PDE10A: variants seen among roughly 807,000 people sequenced by gnomAD.
PDE10A encodes phosphodiesterase 10A.
A neutral mutation model predicts 97.7 loss-of-function variants in PDE10A; 39 were observed. That is an observed-to-expected ratio of 0.40 (90% CI 0.31 to 0.52). The LOEUF (loss-of-function observed/expected upper bound fraction) is 0.52. Among genes scored for constraint, PDE10A ranks in the 20% least tolerant of loss-of-function variants. The pLI is 0.56. For missense variants in PDE10A, 731 were observed against 1,047.8 expected (o/e 0.70, Z 4.17); for synonymous variants, 371 against 376.8 (o/e 0.98, Z 0.18).
intron 2 of PDE10A, among the ~76,000 whole-genome samples, chr6:165,525,173 T>C (rs1234728923): frequency 1.3e-5 from 2 of 151,882 alleles, no homozygotes; most frequent in Admixed American, 6.6e-5. Context: ...CATGAGGAGG[T>C]GCACTACACT....
At chr6:165,393,328 T>C (rs933259960) in intron 15 of PDE10A, among the ~76,000 whole-genome samples, 1 of 151,924 alleles carries the variant, frequency 6.6e-6, no homozygotes, top group Non-Finnish European at 1.5e-5. Flanking sequence ...CAAATGAACA[T>C]ATCCAAATAC....
chr6:165,333,061 T>A lies in PDE10A; in HGVS notation c.3132A>T (p.Pro1044=). ...GEETATWISS[P]SVAQKAAASE... is the part of the protein sequence containing the mutation. ...ATGCAGCTGCCTTCTGAGCCACGGA[T>A]GGGGATGAAATCCAGGTTGCAGTCT... The change falls in exon 22 of 22, where the codon CCA becomes CCT. Residue 1044 remains proline, a synonymous_variant. Transcript: ENST00000539869. 6.2e-7 allele frequency: 1 copy of A among 1,612,956 alleles called. No homozygotes were observed. The highest frequency in any genetic ancestry group is 8.5e-7 in the Non-Finnish European group (1 of 1,179,196).
At chr6:165,699,795 C>T (rs9459483) in intron 1 of PDE10A, among the ~76,000 whole-genome samples, 17,305 of 152,106 alleles carry the variant, frequency 0.11, 1,339 homozygotes, top group Non-Finnish European at 0.17. Context: ...AAAATGAAGA[C>T]ATAGCATACC....
At chr6:165,922,640 A>G (rs1782788745) in intron 1 of PDE10A, among the ~76,000 whole-genome samples, 1 of 152,172 alleles carries the variant, frequency 6.6e-6, no homozygotes, top group South Asian at 2.1e-4. Context: ...TGGCATTCTG[A>G]GAAATCATGT....
intron 1 of PDE10A, among the ~76,000 whole-genome samples, chr6:165,830,648 C>T (rs1015998354): frequency 6.6e-6 from 1 of 152,140 alleles, no homozygotes; most frequent in African/African-American, 2.4e-5. Flanking sequence ...CCTCCAGGTC[C>T]TGTTTGTGTT....
At chr6:165,474,074 T>C (rs1779162108) in intron 3 of PDE10A, among the ~76,000 whole-genome samples, 1 of 152,228 alleles carries the variant, frequency 6.6e-6, no homozygotes, top group African/African-American at 2.4e-5. Flanking sequence ...AGTCACAGGA[T>C]ACAGTTGATT....
chr6:165,713,552 A>G (rs1441632101), intron 1 of PDE10A, among the ~76,000 whole-genome samples: 2 of 152,214 alleles, frequency 1.3e-5, no homozygotes, highest in Admixed American at 6.5e-5. Flanking sequence ...CGTGGCAGCA[A>G]GGGCTTGGGA....
At chr6:165,679,226 A>G (rs9348032) in intron 1 of PDE10A, among the ~76,000 whole-genome samples, 133,100 of 152,228 alleles carry the variant, frequency 0.87, 58,351 homozygotes, top group South Asian at 0.92. Context: ...TTAGAAAAGA[A>G]TGAGAAAATA....
chr6:165,644,690 G>T (rs1390594534), intron 1 of PDE10A, among the ~76,000 whole-genome samples: 1 of 152,178 alleles, frequency 6.6e-6, no homozygotes, highest in East Asian at 1.9e-4. Flanking sequence ...CCTAAACACA[G>T]CGTATTCTAT....
chr6:165,679,288 A>G (rs1790909617), intron 1 of PDE10A, among the ~76,000 whole-genome samples: 1 of 152,268 alleles, frequency 6.6e-6, no homozygotes, highest in Admixed American at 6.5e-5. Context: ...TTAAACCCAG[A>G]TAACCAGATC....
chr6:165,769,555 C>G (rs1777949654), intron 1 of PDE10A, among the ~76,000 whole-genome samples: 1 of 152,188 alleles, frequency 6.6e-6, no homozygotes, highest in Admixed American at 6.5e-5. Context: ...CTTCTGGCTG[C>G]ACACATCCTA....
rs545149187 is a variant in PDE10A, at chr6:165,542,612, C to CTTTTTT, written c.994+822_994+827dup. On this transcript the variant is annotated intron_variant, in intron 2 of 21. Transcript: ENST00000539869. ...TTTAGGTCAAAAAGATGTCCTTGTTCTTTTTTTTTTTTTTTTTTTTTTTTT... is the reference window on the plus strand; with the variant it reads ...TTTAGGTCAAAAAGATGTCCTTGTTCTTTTTTTTTTTTTTTTTTTTTTTTTTTTTTT... Among the ~76,000 whole-genome samples the CTTTTTT allele has an allele frequency of 3.3e-4, 25 of 76,456 alleles. No individual in the cohort carries two copies. In the South Asian group the frequency reaches 7.0e-3, roughly 21 times the overall value. 50.2% of individuals were successfully genotyped at this position (76,456 alleles called of 152,430 possible).
At chr6:165,929,176 C>T (rs934604310) in intron 1 of PDE10A, among the ~76,000 whole-genome samples, 5 of 152,102 alleles carry the variant, frequency 3.3e-5, no homozygotes, top group Non-Finnish European at 5.9e-5. Flanking sequence ...GGCGGGCATT[C>T]GGTAAACTGG....
intron 16 of PDE10A, among the ~76,000 whole-genome samples, chr6:165,391,377 A>G (rs1167254600): frequency 6.6e-6 from 1 of 152,208 alleles, no homozygotes; most frequent in Non-Finnish European, 1.5e-5. Context: ...CTTATTGTTA[A>G]ATTTTCAATT....
rs1482279264 is a variant in PDE10A, at chr6:165,396,303, A to G, written c.2219+14T>C. The stretch of plus-strand genomic sequence containing the variant: ...AAATGGTTCCTGAAGAAACTGACAG[A>G]GCAACATACTTACAATTCAATTTCT... On this transcript the variant is annotated intron_variant, in intron 14 of 21. Transcript: ENST00000539869. 1 of 1,608,090 alleles carries G rather than the reference A, an allele frequency of 6.2e-7. No homozygotes were observed.
intron 1 of PDE10A, among the ~76,000 whole-genome samples, chr6:165,918,766 G>C (rs1279051089): frequency 6.6e-6 from 1 of 151,898 alleles, no homozygotes; most frequent in East Asian, 1.9e-4. Flanking sequence ...TTCACCTCTG[G>C]AGCAGGAGTA....
rs192641291 is a variant in PDE10A at position 165,491,108 on chromosome 6, T to C, written c.995-8765A>G. Among the ~76,000 whole-genome samples the C allele has an allele frequency of 2.8e-3, 422 of 152,272 alleles. 1 individual carries two copies. The highest frequency in any genetic ancestry group is 5.2e-3 in the Non-Finnish European group (354 of 68,026). ...AAAGCAAGTGGCAGGAGTAGCTATT[T>C]TTACATCAGACAGGACAAACTTTAA... On this transcript the variant is annotated intron_variant, in intron 2 of 21. Coordinates refer to ENST00000539869, the MANE Select transcript of PDE10A (RefSeq NM_001385079.1).
At chr6:165,498,753 T>C (rs1051072025) in intron 2 of PDE10A, among the ~76,000 whole-genome samples, 2 of 152,214 alleles carry the variant, frequency 1.3e-5, no homozygotes. Flanking sequence ...ATCTGGGTCA[T>C]GTGCTGTAAA....
chr6:165,975,248 T>C (rs1410972321), intron 1 of PDE10A, among the ~76,000 whole-genome samples: 1 of 152,124 alleles, frequency 6.6e-6, no homozygotes. Flanking sequence ...CTTCTAAAAG[T>C]CCCCCTTAGC....
Sources: allele counts gnomAD v4.1 joint callset (sites outside exome capture counted in the v4.1 genomes callset), GRCh38; gene constraint gnomAD v4.1.1; transcripts MANE v1.5; gene names NCBI Gene and HGNC (gene_info 2026-07-23, HGNC 2026-07-21).